The following ZFPM2 variants were observed in gnomAD, a reference collection of about 807,000 sequenced individuals.
ZFPM2 encodes the protein zinc finger protein ZFPM2.
Under a neutral mutation model 98.6 loss-of-function variants are expected in ZFPM2, and 20 were observed. The observed-to-expected ratio is 0.20, with a 90% confidence interval of 0.14 to 0.29. ZFPM2 has a LOEUF of 0.29. Among genes scored for constraint, ZFPM2 ranks in the 10% least tolerant of loss-of-function variants. The probability of loss-of-function intolerance (pLI) is 1.00; values close to 1 mark genes in which losing one functional copy is unlikely to be tolerated. For missense variants in ZFPM2, 1,310 were observed against 1,388.6 expected, an observed-to-expected ratio of 0.94 and a Z score of 0.90; for synonymous variants, 518 against 502.7, an observed-to-expected ratio of 1.03 and a Z score of -0.41.
chr8:105,332,159 A>T (rs1386016961), intron 1 of ZFPM2, among the ~76,000 whole-genome samples: 1 of 151,704 alleles, frequency 6.6e-6, no homozygotes, highest in African/African-American at 2.4e-5. Context: ...CTGGCTTCTC[A>T]TTCACTTCTT....
chr8:105,641,231 A>C (rs974020479), intron 5 of ZFPM2, among the ~76,000 whole-genome samples: 8 of 152,006 alleles, frequency 5.3e-5, no homozygotes, highest in Non-Finnish European at 8.8e-5. Flanking sequence ...ATTATGCTTA[A>C]CTCTGATAAT....
intron 5 of ZFPM2, among the ~76,000 whole-genome samples, chr8:105,666,868 C>T (rs1027075001): frequency 1.3e-5 from 2 of 152,062 alleles, no homozygotes; most frequent in African/African-American, 2.4e-5. Flanking sequence ...TAAAATTTAA[C>T]GCTCCCACTA....
intron 4 of ZFPM2, among the ~76,000 whole-genome samples, chr8:105,619,801 A>G (rs1451914436): frequency 6.6e-6 from 1 of 151,252 alleles, no homozygotes; most frequent in Non-Finnish European, 1.5e-5. Context: ...CTGTCCTTGC[A>G]ATAGTTTCCT....
chr8:105,400,248 T>A (rs1811311022), intron 1 of ZFPM2, among the ~76,000 whole-genome samples: 1 of 151,934 alleles, frequency 6.6e-6, no homozygotes, highest in Admixed American at 6.5e-5. Context: ...AAATTTATTT[T>A]TTTATTTTTA....
chr8:105,383,062 G>C (rs1810918699), intron 1 of ZFPM2, among the ~76,000 whole-genome samples: 1 of 152,064 alleles, frequency 6.6e-6, no homozygotes, highest in Non-Finnish European at 1.5e-5. Flanking sequence ...GAGGAATAAG[G>C]GTAGGCTAGA....
intron 4 of ZFPM2, among the ~76,000 whole-genome samples, chr8:105,606,090 T>C (rs1172675842): frequency 6.6e-6 from 1 of 152,162 alleles, no homozygotes; most frequent in Non-Finnish European, 1.5e-5. Context: ...TTTAAAATTC[T>C]CACATATTTT....
In ZFPM2 at chr8:105,462,187, G is replaced by A. The variant is rs80353948; in HGVS notation, c.301+17806G>A. On this transcript the variant is annotated intron_variant, in intron 3 of 7. Coordinates refer to ENST00000407775, the MANE Select transcript of ZFPM2 (RefSeq NM_012082.4). Reference sequence around the variant, plus strand: ...CTCATCATGTATGTGTCTTCATCCTGGAAAGCACATAGTAATCTTAGTAAC... The same window carrying A: ...CTCATCATGTATGTGTCTTCATCCTAGAAAGCACATAGTAATCTTAGTAAC... Among the ~76,000 whole-genome samples, 1,271 of 152,116 alleles carry A rather than the reference G, an allele frequency of 8.4e-3. 17 individuals are homozygous for A. Among genetic ancestry groups the A allele is most frequent in the African/African-American group, 0.028 (1,176 of 41,504 alleles).
intron 5 of ZFPM2, among the ~76,000 whole-genome samples, chr8:105,727,820 A>G (rs1811849227): frequency 6.6e-6 from 1 of 151,752 alleles, no homozygotes; most frequent in African/African-American, 2.4e-5. Context: ...AGAGATTTGC[A>G]GAAAAGTATC....
chr8:105,380,659 T>A (rs74598292), intron 1 of ZFPM2, among the ~76,000 whole-genome samples: 2 of 31,590 alleles, frequency 6.3e-5, no homozygotes, highest in Admixed American at 6.6e-4. Flanking sequence ...ATATATATAT[T>A]ATATATAACA....
intron 5 of ZFPM2, among the ~76,000 whole-genome samples, chr8:105,717,619 A>G (rs1241843935): frequency 2.8e-5 from 4 of 144,334 alleles, no homozygotes; most frequent in Non-Finnish European, 6.1e-5. Context: ...GGCTTTGGTA[A>G]TACATTTTGA....
chr8:105,422,762 CA>C (rs1486054845), intron 2 of ZFPM2, among the ~76,000 whole-genome samples: 1 of 152,100 alleles, frequency 6.6e-6, no homozygotes, highest in Non-Finnish European at 1.5e-5. Flanking sequence ...GACACATTAT[CA>C]GGGGAGCATA....
chr8:105,454,857 G>A (rs1398633486), intron 3 of ZFPM2, among the ~76,000 whole-genome samples: 1 of 152,154 alleles, frequency 6.6e-6, no homozygotes, highest in Non-Finnish European at 1.5e-5. Context: ...TAAGACCTCA[G>A]GGTGGTTTCT....
chr8:105,495,530 G>A (rs916063819), intron 3 of ZFPM2, among the ~76,000 whole-genome samples: 4 of 152,130 alleles, frequency 2.6e-5, no homozygotes, highest in Non-Finnish European at 5.9e-5. Flanking sequence ...TTTGCTTGTA[G>A]AAGTTTGTTA....
intron 1 of ZFPM2, among the ~76,000 whole-genome samples, chr8:105,376,632 G>T (rs1230265237): frequency 2.0e-5 from 3 of 152,078 alleles, no homozygotes; most frequent in Non-Finnish European, 4.4e-5. Flanking sequence ...CATACATCCA[G>T]TTTGTCTAAG....
At chr8:105,359,374 T>C (rs1486823953) in intron 1 of ZFPM2, among the ~76,000 whole-genome samples, 1 of 150,716 alleles carries the variant, frequency 6.6e-6, no homozygotes, top group Non-Finnish European at 1.5e-5. Context: ...TTTCTTTTTT[T>C]TTTTTTTTGT....
intron 5 of ZFPM2, among the ~76,000 whole-genome samples, chr8:105,641,848 T>C (rs1400238077): frequency 6.6e-6 from 1 of 152,108 alleles, no homozygotes; most frequent in African/African-American, 2.4e-5. Flanking sequence ...ATTACCTTAG[T>C]TGATTAGATG....
chr8:105,787,426 C>T (rs1813446891), intron 5 of ZFPM2: 1 of 152,182 alleles, frequency 6.6e-6, no homozygotes, highest in Admixed American at 6.5e-5. Flanking sequence ...TATACTCTCA[C>T]AGATGGTGTT....
At chr8:105,450,799 G>T (rs772735097) in intron 3 of ZFPM2, among the ~76,000 whole-genome samples, 2 of 152,054 alleles carry the variant, frequency 1.3e-5, no homozygotes, top group African/African-American at 4.8e-5. Context: ...AGCCCTTTAT[G>T]AAACAAGAGG....
At chr8:105,554,146 A>T (rs1336387474) in intron 3 of ZFPM2, among the ~76,000 whole-genome samples, 1 of 152,202 alleles carries the variant, frequency 6.6e-6, no homozygotes. Context: ...ATTTGTAGTC[A>T]CCAACCAAGA....
Sources: gnomAD v4.1 joint callset for allele counts (sites outside exome capture counted in the v4.1 genomes callset) on GRCh38, gnomAD v4.1.1 for gene constraint, MANE v1.5 for transcripts, NCBI Gene and HGNC (gene_info 2026-07-23, HGNC 2026-07-21) for gene names.